Variants in MYO5C observed in about 807,000 individuals in gnomAD.
MYO5C encodes unconventional myosin-Vc.
MYO5C carries 194 observed loss-of-function variants against 235.7 expected under a neutral mutation model. That is an observed-to-expected ratio of 0.82 (90% CI 0.73 to 0.93). The LOEUF is 0.93. Ranked by LOEUF, MYO5C falls within the 40% of genes least tolerant of loss-of-function variation. MYO5C has a pLI of 0.00. For synonymous variants in MYO5C, 707 were observed against 754.8 expected, an observed-to-expected ratio of 0.94 and a Z score of 1.04; for missense variants, 2,038 against 2,127.2, an observed-to-expected ratio of 0.96 and a Z score of 0.82.
chr15:52,278,273 C>A (rs1208701953), intron 4 of MYO5C, among the ~76,000 whole-genome samples: 1 of 152,162 alleles, frequency 6.6e-6, no homozygotes, highest in East Asian at 1.9e-4. Context: ...GCTGCCTACC[C>A]TGGGTTGGTT....
chr15:52,294,702 T>TC (rs2037461699), intron 1 of MYO5C, among the ~76,000 whole-genome samples: 1 of 151,596 alleles, frequency 6.6e-6, no homozygotes, highest in Admixed American at 6.6e-5. Context: ...ATTTTTTTTT[T>TC]CAAAAGTGCT....
chr15:52,279,824 C>T (rs2037129366), intron 2 of MYO5C, 150 bp from the exon 3 acceptor site: 1 of 762,254 alleles, frequency 1.3e-6, no homozygotes, highest in African/African-American at 1.8e-5. Context: ...AAAATCTTCA[C>T]AGCTGACTCC....
intron 1 of MYO5C, among the ~76,000 whole-genome samples, chr15:52,289,703 C>G (rs887437963): frequency 3.3e-5 from 5 of 152,070 alleles, no homozygotes; most frequent in African/African-American, 1.2e-4. Flanking sequence ...CAGACAGACT[C>G]TCTCATCCGT....
At chr15:52,285,686 GTCTCCA>G (rs1033804396) in intron 1 of MYO5C, among the ~76,000 whole-genome samples, 13 of 152,238 alleles carry the variant, frequency 8.5e-5, no homozygotes, top group African/African-American at 3.1e-4. Flanking sequence ...GGCCGGGCTG[GTCTCCA>G]GCTCCGAACC....
At chr15:52,285,425 C>CCCTCTCCCTCTCCCTCCTCTCCCT (rs1566995046) in intron 1 of MYO5C, among the ~76,000 whole-genome samples, 1 of 20,392 alleles carries the variant, frequency 4.9e-5, no homozygotes, top group Non-Finnish European at 3.7e-4. Context: ...TCCCTCCTCT[C>CCCTCTCCCTCTCCCTCCTCTCCCT]CCTCTCCCTC....
intron 2 of MYO5C, among the ~76,000 whole-genome samples, chr15:52,281,643 T>C (rs1224737633): frequency 6.6e-6 from 1 of 152,158 alleles, no homozygotes; most frequent in Admixed American, 6.5e-5. Flanking sequence ...GCACAGTCAT[T>C]ACCTCCTTTG....
chr15:52,235,760 A>G lies in MYO5C; in HGVS notation c.2872T>C (p.Leu958=). 6.2e-7 allele frequency: 1 copy of G among 1,605,622 alleles called. No individual in the cohort carries two copies. The highest frequency in any genetic ancestry group is 8.5e-7 in the Non-Finnish European group (1 of 1,175,480). The part of the protein sequence containing the change: ...KRYRDAVEEK[L]AKLQKHNSEL... ...GAATTATGCTTCTGAAGCTTTGCCA[A>G]TTTCTAGCAGAGGGAAGGGGGAAAA... is the stretch of plus-strand genomic sequence containing the variant. The change falls in exon 23 of 41, where the codon TTG becomes CTG. Residue 958 remains leucine (L), a synonymous_variant. Coordinates refer to ENST00000261839, the MANE Select transcript of MYO5C (RefSeq NM_018728.4).
At position 52,225,520 on chromosome 15, in the gene MYO5C, A is replaced by G; in HGVS notation, c.3220T>C (p.Phe1074Leu). The G allele has an allele frequency of 1.2e-6, 2 of 1,611,958 alleles. No individual in the cohort carries two copies. The highest frequency in any genetic ancestry group is 1.7e-6 in the Non-Finnish European group (2 of 1,178,712). The change falls in exon 26 of 41, where the codon TTC (phenylalanine) becomes CTC (leucine). Residue 1074 changes from phenylalanine (F) to leucine (L), a missense_variant. Transcript: ENST00000261839. ...TGAAGTAGTTCTATCTCTTTTTCGA[A>G]CTCAGAGATTGTCTGAATCACAGCA... ...LSKQVKTISE[F>L]EKEIELLQAQ...
At chr15:52,253,521 G>T in intron 11 of MYO5C, 64 bp from the exon 12 acceptor site, 1 of 1,452,084 alleles carries the variant, frequency 6.9e-7, no homozygotes, top group East Asian at 2.3e-5. Context: ...CAAAGAGCAG[G>T]ATGTAAGCAT....
chr15:52,277,745 G>C (rs901722228), intron 4 of MYO5C: 1 of 427,172 alleles, frequency 2.3e-6, no homozygotes, highest in Non-Finnish European at 4.7e-6. Context: ...CAGGGACAGG[G>C]AGCTGCACGG....
At position 52,221,224 on chromosome 15, in the gene MYO5C, T is replaced by C. The variant is rs751019594; in HGVS notation, c.3659A>G (p.Glu1220Gly). 4 of 1,612,932 alleles carry C rather than the reference T, an allele frequency of 2.5e-6. No homozygotes were observed. The South Asian group carries it at 4.4e-5, about 18-fold the overall frequency. The part of the protein sequence containing the change: ...MIPDFKQQIS[E>G]LEKQKQDLEI... ...AAGATCTTGCTTCTGTTTCTCCAAT[T>C]CTGAAATTTGCTGTTTAAAGTCTGG... The change falls in exon 30 of 41, where the codon GAA becomes GGA. Residue 1220 changes from glutamate (E) to glycine (G), a missense_variant. Coordinates refer to ENST00000261839, the MANE Select transcript of MYO5C (RefSeq NM_018728.4).
rs200832065 is a variant in MYO5C at position 52,264,275 on chromosome 15, A to G, written c.962T>C (p.Met321Thr). 1.0e-4 allele frequency: 164 copies of G among 1,613,978 alleles called. No homozygotes were observed. Among genetic ancestry groups the G allele is most frequent in the Middle Eastern group, 3.3e-4 (2 of 6,078 alleles). Reference protein sequence around the residue: ...TLLGFKEDFQMDVFKILAAIL... With the variant: ...TLLGFKEDFQTDVFKILAAIL... ...GGCTGCCAGGATTTTAAAAACGTCCATCTGAAAATCCTCCTTGAAACCTAA... is the reference window on the plus strand; with the variant it reads ...GGCTGCCAGGATTTTAAAAACGTCCGTCTGAAAATCCTCCTTGAAACCTAA... Residue 321 changes from methionine (M) to threonine (T), a missense_variant, in exon 9 of 41, where the codon ATG (methionine) becomes ACG (threonine). Coordinates refer to ENST00000261839, the MANE Select transcript of MYO5C (RefSeq NM_018728.4).
At chr15:52,267,480 G>A (rs1000555907) in intron 8 of MYO5C, among the ~76,000 whole-genome samples, 1 of 152,162 alleles carries the variant, frequency 6.6e-6, no homozygotes, top group African/African-American at 2.4e-5. Flanking sequence ...GAGGTGAGGA[G>A]TTCAAGATTG....
chr15:52,280,710 A>G (rs768922884), intron 2 of MYO5C, among the ~76,000 whole-genome samples: 1 of 152,232 alleles, frequency 6.6e-6, no homozygotes, highest in Non-Finnish European at 1.5e-5. Flanking sequence ...CCAAGCACTC[A>G]GCATGGATTG....
At chr15:52,288,676 C>T (rs2037325342) in intron 1 of MYO5C, among the ~76,000 whole-genome samples, 1 of 152,198 alleles carries the variant, frequency 6.6e-6, no homozygotes, top group African/African-American at 2.4e-5. Context: ...AGATGCAGTC[C>T]GCAGTTCATG....
In MYO5C at chr15:52,204,643, G is replaced by A. The variant is rs574619089; in HGVS notation, c.4820+222C>T. On this transcript the variant is annotated intron_variant, in intron 38 of 40. Coordinates refer to ENST00000261839, the MANE Select transcript of MYO5C (RefSeq NM_018728.4). ...ACATCTACTGGTTCTGGGTTAAAGC[G>A]GCTAGGCCAGTCCATCTAGTTGGCA... Among the ~76,000 whole-genome samples the A allele has an allele frequency of 4.6e-5, 7 of 152,190 alleles. No individual in the cohort carries two copies. In the South Asian group the frequency reaches 1.5e-3, roughly 32 times the overall value.
At chr15:52,218,829 G>C in intron 31 of MYO5C, 142 bp from the exon 32 acceptor site, 1 of 787,348 alleles carries the variant, frequency 1.3e-6, no homozygotes. Flanking sequence ...ATTCGAATAG[G>C]GGTGTCCTTC....
intron 36 of MYO5C, among the ~76,000 whole-genome samples, chr15:52,207,637 T>C (rs1451838009): frequency 4.6e-5 from 7 of 152,168 alleles, no homozygotes; most frequent in Non-Finnish European, 1.0e-4. Flanking sequence ...CAGGGAAGAA[T>C]TTCTTAAGAC....
chr15:52,294,058 T>C (rs1322316217), intron 1 of MYO5C, among the ~76,000 whole-genome samples: 2 of 152,204 alleles, frequency 1.3e-5, no homozygotes, highest in Non-Finnish European at 2.9e-5. Flanking sequence ...AGATTCTCAT[T>C]CCCTCCAAGC....
Sources: allele counts gnomAD v4.1 joint callset (sites outside exome capture counted in the v4.1 genomes callset), GRCh38; gene constraint gnomAD v4.1.1; transcripts MANE v1.5; gene names NCBI Gene and HGNC (gene_info 2026-07-23, HGNC 2026-07-21).